The following HOMER2 variants were observed in gnomAD, a reference collection of about 807,000 sequenced individuals.
HOMER2 encodes the protein homer scaffold protein 2.
HOMER2 carries 27 observed loss-of-function variants against 47.0 expected under a neutral mutation model. The observed-to-expected ratio is 0.57, with a 90% confidence interval of 0.42 to 0.79. HOMER2 has a LOEUF of 0.79. Among genes scored for constraint, HOMER2 ranks in the 30% least tolerant of loss-of-function variants. The pLI, the probability that HOMER2 is intolerant of heterozygous loss-of-function variation, is 0.00. For missense variants in HOMER2, 443 were observed against 435.0 expected, an observed-to-expected ratio of 1.02 and a Z score of -0.16; for synonymous variants, 161 against 163.8, an observed-to-expected ratio of 0.98 and a Z score of 0.13.
At chr15:82,963,887 TC>T (rs1418409255) in intron 1 of HOMER2, among the ~76,000 whole-genome samples, 8 of 152,238 alleles carry the variant, frequency 5.3e-5, no homozygotes, top group African/African-American at 1.7e-4. Flanking sequence ...GCCTCTTACT[TC>T]CACCTCTGCT....
At chr15:82,967,705 C>CAA (rs1462509013) in intron 1 of HOMER2, among the ~76,000 whole-genome samples, 17 of 152,086 alleles carry the variant, frequency 1.1e-4, no homozygotes, top group African/African-American at 4.1e-4. Context: ...GAAACCCCAC[C>CAA]TCTACTACTA....
chr15:82,866,829 G>A (rs548237938), intron 3 of HOMER2, among the ~76,000 whole-genome samples: 11 of 152,184 alleles, frequency 7.2e-5, no homozygotes, highest in African/African-American at 1.9e-4. Flanking sequence ...ACGTGGAACT[G>A]TAAGTCCAAT....
chr15:82,889,403 T>C (rs192725197), intron 2 of HOMER2, among the ~76,000 whole-genome samples: 162 of 152,192 alleles, frequency 1.1e-3, no homozygotes, highest in Non-Finnish European at 1.8e-3. Context: ...CCAGTGAACA[T>C]GGAACCAGAA....
At chr15:82,878,943 C>T (rs1241818754) in intron 2 of HOMER2, among the ~76,000 whole-genome samples, 1 of 152,146 alleles carries the variant, frequency 6.6e-6, no homozygotes, top group African/African-American at 2.4e-5. Context: ...ATATTTTTTA[C>T]ACTCATCAAT....
At chr15:82,931,240 T>G (rs2054001087) in intron 1 of HOMER2, among the ~76,000 whole-genome samples, 1 of 152,200 alleles carries the variant, frequency 6.6e-6, no homozygotes, top group Non-Finnish European at 1.5e-5. Context: ...TGAGGACAAC[T>G]TCGTCCAGCA....
At chr15:82,868,882 C>G (rs1364257960) in intron 3 of HOMER2, among the ~76,000 whole-genome samples, 1 of 151,816 alleles carries the variant, frequency 6.6e-6, no homozygotes, top group Non-Finnish European at 1.5e-5. Context: ...GACCTACAGT[C>G]CCATTGAGGT....
At chr15:82,938,950 G>T (rs187690446) in intron 1 of HOMER2, among the ~76,000 whole-genome samples, 1 of 152,176 alleles carries the variant, frequency 6.6e-6, no homozygotes, top group Admixed American at 6.5e-5. Context: ...CTCATTCACC[G>T]GCTTCTTTTC....
chr15:82,903,998 G>T (rs986907074), intron 1 of HOMER2, among the ~76,000 whole-genome samples: 1 of 152,158 alleles, frequency 6.6e-6, no homozygotes, highest in African/African-American at 2.4e-5. Context: ...TTAGCCTGGC[G>T]TGGTGGCCCA....
intron 3 of HOMER2, among the ~76,000 whole-genome samples, chr15:82,868,216 G>C (rs1055425190): frequency 6.6e-6 from 1 of 151,672 alleles, no homozygotes; most frequent in Non-Finnish European, 1.5e-5. Flanking sequence ...GTTCCTTATA[G>C]ATGCTGGATA....
chr15:82,873,498 G>C (rs1567026473), intron 3 of HOMER2, among the ~76,000 whole-genome samples: 1 of 152,208 alleles, frequency 6.6e-6, no homozygotes, highest in Non-Finnish European at 1.5e-5. Context: ...AGGCCTTGCA[G>C]AACTGTGCTG....
At chr15:82,842,130 C>G (rs1271161465) in exon 2 of HOMER2, 1 of 151,932 alleles carries the variant, frequency 6.6e-6, no homozygotes, top group Non-Finnish European at 1.5e-5. Flanking sequence ...AGTAACCACA[C>G]TAAAAAAATC....
intron 1 of HOMER2, among the ~76,000 whole-genome samples, chr15:82,940,960 T>G (rs2054253541): frequency 6.6e-6 from 1 of 152,084 alleles, no homozygotes; most frequent in African/African-American, 2.4e-5. Context: ...TGTTTTCCTC[T>G]TTTACAGTAT....
At chr15:82,860,142 G>T (rs759951290) in intron 4 of HOMER2, among the ~76,000 whole-genome samples, 10 of 152,102 alleles carry the variant, frequency 6.6e-5, no homozygotes, top group Non-Finnish European at 1.2e-4. Context: ...CAGCTGCTCG[G>T]GAGGCTGAGG....
intron 1 of HOMER2, among the ~76,000 whole-genome samples, chr15:82,977,251 T>A (rs1291548389): frequency 6.6e-6 from 1 of 152,212 alleles, no homozygotes; most frequent in Non-Finnish European, 1.5e-5. Context: ...GGGAGGTTGT[T>A]AAACACCTTT....
At chr15:82,977,326 C>T (rs1019859637) in intron 1 of HOMER2, among the ~76,000 whole-genome samples, 6 of 152,162 alleles carry the variant, frequency 3.9e-5, no homozygotes, top group Non-Finnish European at 5.9e-5. Context: ...TGGGTGCAAA[C>T]GGGGTGCCTG....
At chr15:82,861,518 C>G (rs1004363293) in intron 4 of HOMER2, among the ~76,000 whole-genome samples, 2 of 152,106 alleles carry the variant, frequency 1.3e-5, no homozygotes, top group Non-Finnish European at 2.9e-5. Flanking sequence ...ATTTTTATTT[C>G]CTTCTTTATA....
At chr15:82,893,319 ATAATTT>A (rs1330900757) in intron 1 of HOMER2, among the ~76,000 whole-genome samples, 10 of 148,190 alleles carry the variant, frequency 6.7e-5, no homozygotes, top group Non-Finnish European at 1.5e-5. Flanking sequence ...TATGAATGAC[ATAATTT>A]TATCTTTTTT....
intron 1 of HOMER2, among the ~76,000 whole-genome samples, chr15:82,974,635 C>T (rs186044441): frequency 6.6e-6 from 1 of 152,248 alleles, no homozygotes; most frequent in Admixed American, 6.5e-5. Flanking sequence ...CCTGGGGGCA[C>T]TTGGGAGAGA....
At chr15:82,847,279 T>C (rs2051266145), downstream of HOMER2, 1 of 152,238 alleles carries the variant, frequency 6.6e-6, no homozygotes, top group African/African-American at 2.4e-5. Flanking sequence ...GAAAAGACAC[T>C]GAGATCTTCA....
Sources: gnomAD v4.1 joint callset for allele counts (sites outside exome capture counted in the v4.1 genomes callset) on GRCh38, gnomAD v4.1.1 for gene constraint, MANE v1.5 for transcripts, NCBI Gene and HGNC (gene_info 2026-07-23, HGNC 2026-07-21) for gene names.